The following LYAR variants were observed in gnomAD, a reference collection of about 807,000 sequenced individuals.
The protein encoded by LYAR is Ly1 antibody reactive.
Under a neutral mutation model 45.2 loss-of-function variants are expected in LYAR, and 37 were observed. The observed-to-expected ratio is 0.82, with a 90% confidence interval of 0.63 to 1.08. LYAR has a LOEUF of 1.08. Ranked by LOEUF, LYAR falls within the 50% of genes least tolerant of loss-of-function variation. The probability of loss-of-function intolerance (pLI) is 0.00; values close to 1 mark genes in which losing one functional copy is unlikely to be tolerated. For synonymous variants in LYAR, 176 were observed against 155.1 expected, an observed-to-expected ratio of 1.14 and a Z score of -1.00; for missense variants, 493 against 451.0, an observed-to-expected ratio of 1.09 and a Z score of -0.84.
intron 2 of LYAR, among the ~76,000 whole-genome samples, chr4:4,286,274 G>A (rs926166426): frequency 7.2e-5 from 11 of 152,140 alleles, no homozygotes; most frequent in Non-Finnish European, 1.3e-4. Flanking sequence ...AGCCCCAGGC[G>A]AAAATACCTG....
chr4:4,287,530 C>T (rs1033666494), intron 1 of LYAR, among the ~76,000 whole-genome samples: 2 of 152,216 alleles, frequency 1.3e-5, no homozygotes, highest in African/African-American at 2.4e-5. Context: ...TCTACAAAGC[C>T]GTGTCCCATT....
intron 6 of LYAR, among the ~76,000 whole-genome samples, 178 bp downstream of exon 6, chr4:4,279,269 T>A (rs1719304494): frequency 6.6e-6 from 1 of 152,068 alleles, no homozygotes; most frequent in South Asian, 2.1e-4. Flanking sequence ...GAGGCAGAAG[T>A]TGCAGTGAGC....
At chr4:4,285,424 A>G (rs1719567393) in intron 2 of LYAR, among the ~76,000 whole-genome samples, 2 of 152,232 alleles carry the variant, frequency 1.3e-5, no homozygotes, top group African/African-American at 4.8e-5. Context: ...TTCTAAAAAA[A>G]GGCAGAGGGA....
At chr4:4,283,384 C>A (rs1002994739) in intron 3 of LYAR, among the ~76,000 whole-genome samples, 24 of 152,328 alleles carry the variant, frequency 1.6e-4, no homozygotes, top group African/African-American at 5.8e-4. Flanking sequence ...CTCCTGACCT[C>A]ATGAGCCACC....
At chr4:4,269,571 G>C (rs1337575601) in intron 8 of LYAR, among the ~76,000 whole-genome samples, 1 of 152,208 alleles carries the variant, frequency 6.6e-6, no homozygotes, top group Non-Finnish European at 1.5e-5. Flanking sequence ...GCAGGAGCAA[G>C]AAGTGGCCAT....
chr4:4,267,967 G>A lies in LYAR; in HGVS notation c.1062C>T (p.Leu354=), dbSNP rs1273061455. 2 of 1,612,602 alleles carry A rather than the reference G, an allele frequency of 1.2e-6. No individual in the cohort carries two copies. The highest frequency in any genetic ancestry group is 1.7e-6 in the Non-Finnish European group (2 of 1,179,390). Residue 354 remains leucine, a synonymous_variant, in exon 10 of 10, where the codon CTC becomes CTT. Coordinates refer to ENST00000343470, the MANE Select transcript of LYAR (RefSeq NM_017816.3). ...TDEHHRSEEE[L]LVIFNKKISK... ...TGATTTTCTTGTTAAAGATGACCAG[G>A]AGTTCCTCTTCGGATCTGTGATGCT... is the stretch of plus-strand genomic sequence containing the variant.
chr4:4,283,260 C>G (rs1395580511), intron 3 of LYAR, among the ~76,000 whole-genome samples: 2 of 152,232 alleles, frequency 1.3e-5, no homozygotes, highest in African/African-American at 4.8e-5. Context: ...AAGCGATTCT[C>G]CTGCCTCAGC....
In LYAR at chr4:4,267,750, C is replaced by T. The variant is rs1040805051; in HGVS notation, c.*139G>A. 32 of 567,026 alleles carry T rather than the reference C, an allele frequency of 5.6e-5. No individual in the cohort carries two copies. The African/African-American group carries it at 6.9e-4, about 12-fold the overall frequency. The allele number at this position is 567,026 out of a possible 1,614,324, so 35.1% of individuals were successfully genotyped here. A position where few individuals can be genotyped will look rare whatever the true frequency, so the allele number is the denominator to read the frequency against. ...TTTTATTTTTCTCATAAAAGTTATACCAAAAATATATTTTCTTAACTTAAA... is the reference window on the plus strand; with the variant it reads ...TTTTATTTTTCTCATAAAAGTTATATCAAAAATATATTTTCTTAACTTAAA... On this transcript the variant is annotated 3_prime_UTR_variant, in exon 10 of 10. Coordinates refer to ENST00000343470, the MANE Select transcript of LYAR (RefSeq NM_017816.3).
At chr4:4,271,343 G>C (rs1192724187) in intron 8 of LYAR, among the ~76,000 whole-genome samples, 2 of 152,136 alleles carry the variant, frequency 1.3e-5, no homozygotes, top group Non-Finnish European at 2.9e-5. Context: ...CAAACGACAG[G>C]ATCTCATTCT....
chr4:4,274,741 C>T lies in LYAR; in HGVS notation c.458G>A (p.Arg153Gln), dbSNP rs1021621832. The T allele has an allele frequency of 2.2e-5, 35 of 1,608,524 alleles. No individual in the cohort carries two copies. The highest frequency in any genetic ancestry group is 6.7e-5 in the South Asian group (6 of 89,460). The part of the protein sequence containing the change: ...SEPVNKEQDQ[R>Q]PLHPVANPHA... ...TGGATTTGCCACTGGGTGGAGTGGC[C>T]GTTGATCCTGTTCCTTATTGACTGG... Residue 153 changes from arginine to glutamine, a missense_variant, in exon 7 of 10, where the codon CGG (arginine) becomes CAG (glutamine). Physicochemically the swap from Arg to Gln is conservative, Grantham distance 43. Coordinates refer to ENST00000343470, the MANE Select transcript of LYAR (RefSeq NM_017816.3).
chr4:4,279,734 T>C lies in LYAR; in HGVS notation c.253A>G (p.Ile85Val). 3.7e-6 allele frequency: 6 copies of C among 1,601,494 alleles called. No individual in the cohort carries two copies. The highest frequency in any genetic ancestry group is 5.1e-6 in the Non-Finnish European group (6 of 1,172,490). ...QAWIQKISEL[I>V]KRPNVSPKVR... ...TTGGGGCTGACATTGGGTCTCTTTA[T>C]TAATTCACTAATTTTCTACAAAAAG... Residue 85 changes from isoleucine to valine, a missense_variant, in exon 5 of 10, where the codon ATA becomes GTA. Physicochemically the swap from Ile to Val is conservative, Grantham distance 29 (BLOSUM62 3). Transcript: ENST00000343470.
Position 4,289,372 on chromosome 4 carries a change from G to A in LYAR, c.-108+664C>T, listed in dbSNP as rs559432953. On this transcript the variant is annotated intron_variant, in intron 1 of 9. Coordinates refer to ENST00000343470, the MANE Select transcript of LYAR (RefSeq NM_017816.3). ...CACAGTGTGAGTAAGTCCCAAGTGG[G>A]CCCTCTCTGCTAGAAATCAGGGTTG... 2.0e-5 allele frequency among the ~76,000 whole-genome samples: 3 copies of A among 152,230 alleles called. No homozygotes were observed. The East Asian group carries it at 5.8e-4, about 29-fold the overall frequency.
chr4:4,268,665 A>G (rs1718807926), intron 8 of LYAR, 50 bp from the exon 9 acceptor site: 2 of 1,241,630 alleles, frequency 1.6e-6, no homozygotes, highest in Non-Finnish European at 2.3e-6. Flanking sequence ...TTGTACTACG[A>G]GAAGGGTAAA....
chr4:4,274,034 C>T (rs1329743749), intron 7 of LYAR, among the ~76,000 whole-genome samples: 3 of 152,120 alleles, frequency 2.0e-5, no homozygotes, highest in South Asian at 2.1e-4. Flanking sequence ...GTCAGGAGTC[C>T]GAGACCAGCC....
chr4:4,274,251 A>AC (rs567711919), intron 7 of LYAR, 116 bp downstream of exon 7: 14,241 of 1,215,172 alleles, frequency 0.012, 151 homozygotes, highest in Middle Eastern at 0.026. Flanking sequence ...AAAACAAAAA[A>AC]AAAAAAAACC....
intron 9 of LYAR, among the ~76,000 whole-genome samples, chr4:4,268,315 A>T (rs1718793691): frequency 6.6e-6 from 1 of 152,126 alleles, no homozygotes; most frequent in Non-Finnish European, 1.5e-5. Context: ...AAATTAAATA[A>T]ATGGAGCCTC....
intron 7 of LYAR, 130 bp downstream of exon 7, chr4:4,274,236 CA>C (rs1228889434): frequency 2.4e-5 from 26 of 1,065,470 alleles, no homozygotes; most frequent in Non-Finnish European, 3.2e-5. Flanking sequence ...GACTCCGTCT[CA>C]AAAAAAACAA....
In LYAR at chr4:4,274,708, T is replaced by C; in HGVS notation, c.491A>G (p.Glu164Gly). ...PLHPVANPHA[E>G]ISTKVPASKV... ...GGAGGCTGGAACCTTGGTGGAGATT[T>C]CTGCATGTGGATTTGCCACTGGGTG... Residue 164 changes from glutamate (E) to glycine (G), a missense_variant, in exon 7 of 10, where the codon GAA (glutamate) becomes GGA (glycine). Transcript: ENST00000343470. The C allele has an allele frequency of 1.2e-6, 2 of 1,613,774 alleles. No individual in the cohort carries two copies. The highest frequency in any genetic ancestry group is 4.5e-5 in the East Asian group (2 of 44,876).
At position 4,279,635 on chromosome 4, in the gene LYAR, T is replaced by C; in HGVS notation, c.345+7A>G. ...GGCCCCCTCCATTCAAGAAAGTCAATTCATACCTGAAATTTTGCCTTTTTC... is the reference window on the plus strand; with the variant it reads ...GGCCCCCTCCATTCAAGAAAGTCAACTCATACCTGAAATTTTGCCTTTTTC... On this transcript the variant is annotated splice_region_variant and intron_variant, in intron 5 of 9. Transcript: ENST00000343470. 1 of 1,611,154 alleles carries C rather than the reference T, an allele frequency of 6.2e-7. No homozygotes were observed. Among genetic ancestry groups the C allele is most frequent in the Non-Finnish European group, 8.5e-7 (1 of 1,177,358 alleles).
Sources: gnomAD v4.1 joint callset for allele counts (sites outside exome capture counted in the v4.1 genomes callset) on GRCh38, gnomAD v4.1.1 for gene constraint, MANE v1.5 for transcripts, NCBI Gene and HGNC (gene_info 2026-07-23, HGNC 2026-07-21) for gene names.